The following PRKCB variants were observed in gnomAD, a reference collection of about 807,000 sequenced individuals.
PRKCB encodes protein kinase C beta type.
PRKCB carries 13 observed loss-of-function variants against 81.5 expected under a neutral mutation model. That is an observed-to-expected ratio of 0.16 (90% CI 0.10 to 0.25). The LOEUF (loss-of-function observed/expected upper bound fraction) is 0.25, where lower values mean the gene tolerates loss of function less well. PRKCB is among the 10% of genes least tolerant of loss of function. PRKCB has a pLI of 1.00. For synonymous variants in PRKCB, 335 were observed against 321.4 expected, an observed-to-expected ratio of 1.04 and a Z score of -0.45; for missense variants, 509 against 875.7, an observed-to-expected ratio of 0.58 and a Z score of 5.29.
At chr16:23,966,183 T>C (rs1964484339) in intron 2 of PRKCB, among the ~76,000 whole-genome samples, 1 of 152,240 alleles carries the variant, frequency 6.6e-6, no homozygotes. Flanking sequence ...AGTTTGTAAC[T>C]GCTTCCAACC....
At chr16:24,094,038 A>G in intron 6 of PRKCB, 125 bp from the exon 7 acceptor site, 2 of 1,110,568 alleles carry the variant, frequency 1.8e-6, no homozygotes, top group East Asian at 2.5e-5. Flanking sequence ...GAAACTGAAT[A>G]TGTTTCTTTC....
At chr16:24,127,092 G>A (rs561372318) in intron 9 of PRKCB, among the ~76,000 whole-genome samples, 32 of 142,134 alleles carry the variant, frequency 2.3e-4, no homozygotes, top group African/African-American at 8.4e-4. Context: ...CGCAACCTCC[G>A]CCTCCCAGGT....
chr16:23,846,667 G>A (rs775776645), intron 2 of PRKCB, among the ~76,000 whole-genome samples: 13 of 143,050 alleles, frequency 9.1e-5, no homozygotes, highest in Non-Finnish European at 2.0e-4. Flanking sequence ...TTTTTTTTGA[G>A]TCAGCGAGGG....
intron 2 of PRKCB, among the ~76,000 whole-genome samples, chr16:23,848,203 G>A (rs1457255626): frequency 6.6e-6 from 1 of 152,196 alleles, no homozygotes; most frequent in Non-Finnish European, 1.5e-5. Flanking sequence ...ACTAGGAAGT[G>A]GTTGTTGTCA....
At chr16:24,191,067 C>T in intron 15 of PRKCB, 23 bp from the exon 16 acceptor site, 1 of 1,608,682 alleles carries the variant, frequency 6.2e-7, no homozygotes, top group Non-Finnish European at 8.5e-7. Context: ...TCAGCAAATT[C>T]AATGTTTTTC....
At chr16:23,957,455 C>T (rs1964364890) in intron 2 of PRKCB, among the ~76,000 whole-genome samples, 1 of 152,144 alleles carries the variant, frequency 6.6e-6, no homozygotes, top group African/African-American at 2.4e-5. Flanking sequence ...TGAGTACCCA[C>T]CCAAAGCCCC....
At chr16:23,845,742 ACCTTGAGATGGCTTCTTT>A (rs1195523632) in intron 2 of PRKCB, among the ~76,000 whole-genome samples, 3 of 152,212 alleles carry the variant, frequency 2.0e-5, no homozygotes, top group African/African-American at 7.2e-5. Context: ...CTAGCCTGTT[ACCTTGAGATGGCTTCTTT>A]CCCAGTTTGA....
At chr16:24,194,161 T>C in intron 16 of PRKCB, among the ~76,000 whole-genome samples, 1 of 151,970 alleles carries the variant, frequency 6.6e-6, no homozygotes, top group East Asian at 1.9e-4. Context: ...ACCCCATCTG[T>C]ACTAAAAATA....
chr16:23,853,089 G>A (rs1962500965), intron 2 of PRKCB, among the ~76,000 whole-genome samples: 1 of 152,162 alleles, frequency 6.6e-6, no homozygotes, highest in Non-Finnish European at 1.5e-5. Flanking sequence ...GGAAGCCAGG[G>A]CATTCTGACA....
At chr16:24,040,887 C>A (rs1965688882) in intron 5 of PRKCB, among the ~76,000 whole-genome samples, 1 of 152,010 alleles carries the variant, frequency 6.6e-6, no homozygotes, top group Non-Finnish European at 1.5e-5. Context: ...GTTCCCTGGA[C>A]AATGTAGAAA....
intron 2 of PRKCB, among the ~76,000 whole-genome samples, chr16:23,931,891 T>C (rs1413402174): frequency 6.6e-6 from 1 of 152,212 alleles, no homozygotes; most frequent in African/African-American, 2.4e-5. Context: ...TCACTCCATT[T>C]CCATACTGGA....
At chr16:24,080,943 A>C (rs924575876) in intron 5 of PRKCB, among the ~76,000 whole-genome samples, 2 of 152,218 alleles carry the variant, frequency 1.3e-5, no homozygotes, top group Admixed American at 6.5e-5. Flanking sequence ...TTTTCAACCT[A>C]TTTTATGAGG....
chr16:23,959,683 A>G (rs115797911), intron 2 of PRKCB, among the ~76,000 whole-genome samples: 69 of 151,710 alleles, frequency 4.5e-4, no homozygotes, highest in African/African-American at 1.5e-3. Flanking sequence ...GCAGCCTGCA[A>G]TCTTGGGTGT....
chr16:24,045,741 C>A lies in PRKCB; in HGVS notation c.529+10194C>A, dbSNP rs77119819. 9.2e-3 allele frequency among the ~76,000 whole-genome samples: 1,409 copies of A among 152,334 alleles called. 22 individuals carry two copies. The highest frequency in any genetic ancestry group is 0.033 in the African/African-American group (1,367 of 41,564). ...GATCTCAGCTTCCCCTCCAGGCCTGCTGAATCAGAATCTGCAATTTAACAA... is the reference window on the plus strand; with the variant it reads ...GATCTCAGCTTCCCCTCCAGGCCTGATGAATCAGAATCTGCAATTTAACAA... On this transcript the variant is annotated intron_variant, in intron 5 of 16. Coordinates refer to ENST00000643927, the MANE Select transcript of PRKCB (RefSeq NM_002738.7).
chr16:24,182,507 C>T (rs890231366), intron 13 of PRKCB, among the ~76,000 whole-genome samples: 1 of 152,018 alleles, frequency 6.6e-6, no homozygotes, highest in Admixed American at 6.5e-5. Context: ...GGCGACTGAG[C>T]GAGACTCTGT....
chr16:24,033,694 A>C (rs2141855978), intron 4 of PRKCB, among the ~76,000 whole-genome samples: 1 of 152,274 alleles, frequency 6.6e-6, no homozygotes, highest in Admixed American at 6.5e-5. Flanking sequence ...CCCAGGAAGC[A>C]GAGGTTGCAG....
chr16:24,103,991 G>C (rs1392055269), intron 7 of PRKCB, among the ~76,000 whole-genome samples: 1 of 152,146 alleles, frequency 6.6e-6, no homozygotes, highest in Non-Finnish European at 1.5e-5. Flanking sequence ...TTTTAGTAGA[G>C]ATGGGGTTTC....
chr16:23,957,138 C>T (rs953467465), intron 2 of PRKCB, among the ~76,000 whole-genome samples: 6 of 151,946 alleles, frequency 3.9e-5, no homozygotes, highest in African/African-American at 1.5e-4. Flanking sequence ...AGAATGTATT[C>T]ATGAATTGCT....
intron 5 of PRKCB, among the ~76,000 whole-genome samples, chr16:24,067,171 A>G (rs146509028): frequency 1.2e-4 from 19 of 152,234 alleles, no homozygotes; most frequent in African/African-American, 4.6e-4. Context: ...TTTGTAACCA[A>G]TAGTTCTCTG....
Sources: allele counts gnomAD v4.1 joint callset (sites outside exome capture counted in the v4.1 genomes callset), GRCh38; gene constraint gnomAD v4.1.1; transcripts MANE v1.5; gene names NCBI Gene and HGNC (gene_info 2026-07-23, HGNC 2026-07-21).